Variants in GALNTL6 observed in about 807,000 individuals in gnomAD.
GALNTL6 encodes the protein polypeptide N-acetylgalactosaminyltransferase like 6, also known as polypeptide N-acetylgalactosaminyltransferase-like 6.
GALNTL6 carries 46 observed loss-of-function variants against 73.7 expected under a neutral mutation model. The ratio of observed to expected loss-of-function variants is 0.62; its 90% CI spans 0.49 to 0.80. The LOEUF (loss-of-function observed/expected upper bound fraction) is 0.80, where lower values mean the gene tolerates loss of function less well. GALNTL6 is among the 30% of genes least tolerant of loss of function. The pLI is 0.00. For missense variants in GALNTL6, 604 were observed against 755.0 expected (o/e 0.80, Z 2.34); for synonymous variants, 259 against 263.7 (o/e 0.98, Z 0.17).
At chr4:171,945,022 A>G (rs2111020399) in intron 2 of GALNTL6, among the ~76,000 whole-genome samples, 1 of 152,230 alleles carries the variant, frequency 6.6e-6, no homozygotes, top group South Asian at 2.1e-4. Flanking sequence ...TTGCTGAATC[A>G]AAAGTCATAC....
chr4:172,320,714 A>C (rs565486410), intron 4 of GALNTL6, among the ~76,000 whole-genome samples: 1 of 152,022 alleles, frequency 6.6e-6, no homozygotes, highest in East Asian at 1.9e-4. Flanking sequence ...TTTATATCCC[A>C]GGGCACTGTT....
chr4:171,988,363 CT>C (rs1458710504), intron 2 of GALNTL6, among the ~76,000 whole-genome samples: 2 of 152,180 alleles, frequency 1.3e-5, no homozygotes, highest in Non-Finnish European at 2.9e-5. Flanking sequence ...GAAATTTGGG[CT>C]TGACTGAAGT....
chr4:172,886,000 T>C (rs1745701722), intron 8 of GALNTL6, among the ~76,000 whole-genome samples: 1 of 152,212 alleles, frequency 6.6e-6, no homozygotes, highest in Non-Finnish European at 1.5e-5. Flanking sequence ...TGTTGGCCTA[T>C]AGATTTTTTT....
intron 9 of GALNTL6, among the ~76,000 whole-genome samples, chr4:172,945,530 T>A (rs57965890): frequency 0.038 from 5,854 of 152,332 alleles, 255 homozygotes; most frequent in African/African-American, 0.1. Context: ...TTTTGTTTGT[T>A]TGTTTGTCTT....
rs1753520485 is a variant in GALNTL6 at position 173,032,651 on chromosome 4, C to T, written c.1639-7282C>T. The stretch of plus-strand genomic sequence containing the variant: ...AGTGAGCCAAGGTGGCGCCACTGTG[C>T]TTCAGCCTGGGCAACAAAGTGAGAC... On this transcript the variant is annotated intron_variant, in intron 12 of 12. Coordinates refer to ENST00000506823, the MANE Select transcript of GALNTL6 (RefSeq NM_001034845.3). Among the ~76,000 whole-genome samples, 5 of 152,044 alleles carry T rather than the reference C, an allele frequency of 3.3e-5. No individual in the cohort carries two copies. In the South Asian group the frequency reaches 1.0e-3, roughly 32 times the overall value.
At chr4:171,950,147 A>AT (rs1738829168) in intron 2 of GALNTL6, among the ~76,000 whole-genome samples, 1 of 152,218 alleles carries the variant, frequency 6.6e-6, no homozygotes, top group Non-Finnish European at 1.5e-5. Context: ...TGATTGGAAT[A>AT]TTGTCTTTGT....
At chr4:172,238,579 G>A (rs971122430) in intron 3 of GALNTL6, among the ~76,000 whole-genome samples, 1 of 150,688 alleles carries the variant, frequency 6.6e-6, no homozygotes, top group African/African-American at 2.4e-5. Context: ...TTTCTATTTA[G>A]ATGCTTTTTA....
At chr4:172,080,652 T>A (rs548000758) in intron 2 of GALNTL6, among the ~76,000 whole-genome samples, 159 of 151,860 alleles carry the variant, frequency 1.0e-3, no homozygotes, top group African/African-American at 3.6e-3. Context: ...TATAAATATA[T>A]GTTGTATATC....
chr4:172,334,393 T>G (rs7695823), intron 4 of GALNTL6, among the ~76,000 whole-genome samples: 23,838 of 152,164 alleles, frequency 0.16, 2,049 homozygotes, highest in Middle Eastern at 0.19. Context: ...TATAGTATAT[T>G]TTTCCATTTG....
At chr4:172,939,472 T>C (rs1748805711) in intron 9 of GALNTL6, among the ~76,000 whole-genome samples, 1 of 152,224 alleles carries the variant, frequency 6.6e-6, no homozygotes, top group Non-Finnish European at 1.5e-5. Context: ...CATTAAATAC[T>C]ATGAGTTCAT....
At chr4:172,449,783 T>TGACTC (rs1179311943) in intron 5 of GALNTL6, among the ~76,000 whole-genome samples, 1 of 152,236 alleles carries the variant, frequency 6.6e-6, no homozygotes, top group African/African-American at 2.4e-5. Flanking sequence ...CTTACACAGA[T>TGACTC]GACTCTTGAA....
chr4:172,813,542 C>A lies in GALNTL6; in HGVS notation c.742C>A (p.Gln248Lys). ...NVNWLPPLLNQIALNHKTIVC... is the reference protein window; with the variant it reads ...NVNWLPPLLNKIALNHKTIVC... ...TATTTTGTGCTTTCATTTTTCAGAC[C>A]AAATTGCACTAAACCACAAAACCAT... The change falls in exon 7 of 13, where the codon CAA becomes AAA. Residue 248 changes from glutamine to lysine, a missense_variant and splice_region_variant. Physicochemically the swap from Gln to Lys is moderately conservative, Grantham distance 53 (BLOSUM62 1). This residue lies in a region of GALNTL6 where 179 missense variants were observed against 230.8 expected (regional missense o/e 0.78). Transcript: ENST00000506823. 6.3e-7 allele frequency: 1 copy of A among 1,589,820 alleles called. No individual in the cohort carries two copies. Among genetic ancestry groups the A allele is most frequent in the Non-Finnish European group, 8.6e-7 (1 of 1,161,530 alleles).
chr4:172,421,834 C>T (rs796971549), intron 5 of GALNTL6, among the ~76,000 whole-genome samples: 8 of 152,158 alleles, frequency 5.3e-5, no homozygotes, highest in African/African-American at 1.9e-4. Flanking sequence ...TATTTGCCCC[C>T]AGACATGCAT....
intron 2 of GALNTL6, among the ~76,000 whole-genome samples, chr4:172,159,224 C>T (rs1734378328): frequency 2.0e-5 from 3 of 152,086 alleles, no homozygotes; most frequent in Admixed American, 2.0e-4. Context: ...TGAAGAGATA[C>T]TCTTTTCACT....
intron 2 of GALNTL6, among the ~76,000 whole-genome samples, chr4:171,844,108 G>A (rs1389265668): frequency 6.6e-6 from 1 of 152,084 alleles, no homozygotes; most frequent in Non-Finnish European, 1.5e-5. Flanking sequence ...AAAAGATAAG[G>A]TAACTTTTTG....
chr4:172,568,903 T>C (rs1443245671), intron 5 of GALNTL6, among the ~76,000 whole-genome samples: 2 of 151,756 alleles, frequency 1.3e-5, no homozygotes, highest in African/African-American at 4.8e-5. Context: ...CATTATGAGA[T>C]CTTCTTGTGA....
chr4:172,058,498 C>T (rs1469357195), intron 2 of GALNTL6, among the ~76,000 whole-genome samples: 2 of 151,762 alleles, frequency 1.3e-5, no homozygotes, highest in African/African-American at 4.8e-5. Flanking sequence ...TTATTTTCAC[C>T]TTGATTTTTT....
intron 4 of GALNTL6, among the ~76,000 whole-genome samples, chr4:172,317,579 G>C (rs1214325209): frequency 6.6e-6 from 1 of 151,920 alleles, no homozygotes; most frequent in Non-Finnish European, 1.5e-5. Flanking sequence ...ATTTTTATTA[G>C]AAAGAATAGT....
chr4:172,760,622 A>G (rs6811397), intron 5 of GALNTL6, among the ~76,000 whole-genome samples: 142,094 of 152,186 alleles, frequency 0.93, 66,707 homozygotes, highest in Non-Finnish European at 0.99. Flanking sequence ...CCTGGCCTGC[A>G]ACTTCCTAGC....
Sources: gnomAD v4.1 joint callset for allele counts (sites outside exome capture counted in the v4.1 genomes callset) on GRCh38, gnomAD v4.1.1 for gene constraint, gnomAD v4.1.1 regional missense constraint, MANE v1.5 for transcripts, NCBI Gene and HGNC (gene_info 2026-07-23, HGNC 2026-07-21) for gene names.